Variants in HMBOX1 observed in about 807,000 individuals in gnomAD.
The protein encoded by HMBOX1 is homeobox containing 1.
In HMBOX1, 14 loss-of-function variants were observed where a neutral mutation model predicts 54.5. The observed-to-expected ratio is 0.26, with a 90% CI of 0.17 to 0.40. The LOEUF (loss-of-function observed/expected upper bound fraction) is 0.40, where lower values mean the gene tolerates loss of function less well. HMBOX1 is among the 10% of genes least tolerant of loss of function. The pLI is 1.00. For synonymous variants in HMBOX1, 160 were observed against 181.0 expected (o/e 0.88, Z 0.93); for missense variants, 332 against 514.4 (o/e 0.65, Z 3.43).
intron 1 of HMBOX1, among the ~76,000 whole-genome samples, chr8:28,947,067 C>T (rs916399176): frequency 6.6e-6 from 1 of 152,142 alleles, no homozygotes; most frequent in Non-Finnish European, 1.5e-5. Flanking sequence ...TGATGCTTAT[C>T]TGTAGCCCAG....
chr8:28,986,606 G>A (rs1339927545), intron 4 of HMBOX1, among the ~76,000 whole-genome samples: 4 of 152,120 alleles, frequency 2.6e-5, no homozygotes, highest in Non-Finnish European at 5.9e-5. Context: ...CTCTCCAAAT[G>A]GAAGAGGTTT....
chr8:28,984,155 A>G (rs189203760), intron 4 of HMBOX1, among the ~76,000 whole-genome samples: 11 of 152,352 alleles, frequency 7.2e-5, no homozygotes, highest in Admixed American at 5.9e-4. Context: ...TCATCAGTGT[A>G]TATACGCATT....
rs541063608 is a variant in HMBOX1, at chr8:28,957,602, A to G, written c.-57-6209A>G. Among the ~76,000 whole-genome samples the G allele has an allele frequency of 7.9e-5, 12 of 151,966 alleles. No individual in the cohort carries two copies. In the South Asian group the frequency reaches 2.3e-3, roughly 29 times the overall value. On this transcript the variant is annotated intron_variant, in intron 1 of 9. Transcript: ENST00000287701. ...AAGCCTTTCTGCTCTATTAGGTCCTATTTTTATTTATTTATTTTTACTATT... is the reference window on the plus strand; with the variant it reads ...AAGCCTTTCTGCTCTATTAGGTCCTGTTTTTATTTATTTATTTTTACTATT...
At position 29,003,555 on chromosome 8, in the gene HMBOX1, AAT is replaced by A. The variant is rs71222586; in HGVS notation, c.587-5496_587-5495del. Among the ~76,000 whole-genome samples, 152 of 71,310 alleles carry A rather than the reference AAT, an allele frequency of 2.1e-3. 11 individuals are homozygous for A. Among genetic ancestry groups the A allele is most frequent in the East Asian group, 5.8e-3 (9 of 1,554 alleles). 46.8% of individuals were successfully genotyped at this position (71,310 alleles called of 152,430 possible). On this transcript the variant is annotated intron_variant, in intron 4 of 9. Transcript: ENST00000287701. ...TTCTGTATTAAATTTTTCTGTATTA[AAT>A]ATATATATATATATATATATGAATG...
chr8:29,002,262 T>C (rs1832772893), intron 4 of HMBOX1, among the ~76,000 whole-genome samples: 2 of 152,168 alleles, frequency 1.3e-5, no homozygotes, highest in South Asian at 2.1e-4. Flanking sequence ...TTTCATAACA[T>C]GGCTAGCTTC....
chr8:29,042,008 A>G (rs1396521204), intron 6 of HMBOX1, among the ~76,000 whole-genome samples: 1 of 152,178 alleles, frequency 6.6e-6, no homozygotes, highest in Non-Finnish European at 1.5e-5. Context: ...GCTTAAAAGG[A>G]ACCCGTAGGT....
intron 6 of HMBOX1, among the ~76,000 whole-genome samples, chr8:29,030,959 C>T (rs1476690316): frequency 1.3e-5 from 2 of 152,168 alleles, no homozygotes; most frequent in African/African-American, 4.8e-5. Flanking sequence ...AATTATTGTT[C>T]ACCTACCTTT....
At chr8:29,017,625 T>A (rs1835223317) in intron 5 of HMBOX1, among the ~76,000 whole-genome samples, 1 of 152,088 alleles carries the variant, frequency 6.6e-6, no homozygotes, top group Admixed American at 6.6e-5. Context: ...TTGAGCTGAG[T>A]GGTTTGAAGA....
chr8:29,048,514 T>C (rs1805944992), intron 8 of HMBOX1: 2 of 152,420 alleles, frequency 1.3e-5, no homozygotes, highest in Admixed American at 6.5e-5. Flanking sequence ...TGCATTTCAT[T>C]TCTTCCATCC....
In HMBOX1 at chr8:28,906,355, CTTAG is replaced by C. The variant is rs140088943; in HGVS notation, c.-58+15681_-58+15684del. ...TTGGAGCAGCATGCCTGAGTTAACT[CTTAG>C]TTAATGAGATTTTTAAATATAATAA... On this transcript the variant is annotated intron_variant, in intron 1 of 9. Transcript: ENST00000287701. Among the ~76,000 whole-genome samples, 990 of 152,230 alleles carry C rather than the reference CTTAG, an allele frequency of 6.5e-3. 14 individuals carry two copies. The highest frequency in any genetic ancestry group is 0.022 in the African/African-American group (931 of 41,538).
At chr8:28,910,164 CAG>C (rs916023961) in intron 1 of HMBOX1, among the ~76,000 whole-genome samples, 3 of 152,204 alleles carry the variant, frequency 2.0e-5, no homozygotes, top group African/African-American at 7.2e-5. Context: ...TAAATGGAAT[CAG>C]ACAGTATGTG....
chr8:28,976,313 A>G (rs1277960361), intron 3 of HMBOX1, among the ~76,000 whole-genome samples: 1 of 152,264 alleles, frequency 6.6e-6, no homozygotes, highest in East Asian at 1.9e-4. Context: ...TCTATGTATT[A>G]CAGACATATA....
At chr8:28,996,113 AAAG>A (rs1831786194) in intron 4 of HMBOX1, among the ~76,000 whole-genome samples, 1 of 152,108 alleles carries the variant, frequency 6.6e-6, no homozygotes, top group Admixed American at 6.5e-5. Context: ...CTCAAAAAAA[AAAG>A]GGGGTTATTC....
intron 3 of HMBOX1, among the ~76,000 whole-genome samples, chr8:28,979,341 A>G (rs2132464679): frequency 6.6e-6 from 1 of 152,350 alleles, no homozygotes; most frequent in Admixed American, 6.5e-5. Context: ...AGTCTAAGTA[A>G]AAATTTGTAA....
At chr8:28,960,670 ATGT>A in intron 1 of HMBOX1, among the ~76,000 whole-genome samples, 1 of 140,656 alleles carries the variant, frequency 7.1e-6, no homozygotes, top group Non-Finnish European at 1.5e-5. Context: ...ATTACCTCTC[ATGT>A]TATTTGGTCT....
At chr8:28,907,771 C>T (rs371922637) in intron 1 of HMBOX1, among the ~76,000 whole-genome samples, 1 of 152,144 alleles carries the variant, frequency 6.6e-6, no homozygotes. Flanking sequence ...TATTATATTG[C>T]CTGATTTAAT....
intron 1 of HMBOX1, among the ~76,000 whole-genome samples, chr8:28,952,421 A>G (rs1410032663): frequency 6.6e-6 from 1 of 151,958 alleles, no homozygotes; most frequent in Non-Finnish European, 1.5e-5. Context: ...TTTGTTAAAG[A>G]CGAGGTTTCA....
At chr8:28,903,847 T>C (rs1474926656) in intron 1 of HMBOX1, among the ~76,000 whole-genome samples, 1 of 152,000 alleles carries the variant, frequency 6.6e-6, no homozygotes, top group African/African-American at 2.4e-5. Context: ...GCAGTGGTTT[T>C]CAACTGGTGA....
chr8:29,009,852 G>A, intron 5 of HMBOX1: 1 of 1,199,412 alleles, frequency 8.3e-7, no homozygotes, highest in Non-Finnish European at 1.1e-6. Context: ...CTGAAGTTAT[G>A]GGACTATCTC....
Sources: gnomAD v4.1 joint callset for allele counts (sites outside exome capture counted in the v4.1 genomes callset) on GRCh38, gnomAD v4.1.1 for gene constraint, MANE v1.5 for transcripts, NCBI Gene and HGNC (gene_info 2026-07-23, HGNC 2026-07-21) for gene names.